CDH1: variants seen among roughly 807,000 people sequenced by gnomAD.
The protein encoded by CDH1 is cadherin-1.
Under a neutral mutation model 84.5 loss-of-function variants are expected in CDH1, and 35 were observed. That is an observed-to-expected ratio of 0.41 (90% confidence interval 0.32 to 0.55). The LOEUF (loss-of-function observed/expected upper bound fraction) is 0.55. Among genes scored for constraint, CDH1 ranks in the 20% least tolerant of loss-of-function variants. The pLI is 0.19. For synonymous variants in CDH1, 417 were observed against 439.0 expected (o/e 0.95, Z 0.63); for missense variants, 994 against 1,126.6 (o/e 0.88, Z 1.68).
intron 2 of CDH1, among the ~76,000 whole-genome samples, chr16:68,796,034 G>A (rs1960349575): frequency 6.6e-6 from 1 of 151,746 alleles, no homozygotes; most frequent in African/African-American, 2.4e-5. Flanking sequence ...GTGGTGGCAG[G>A]CACCTGTAAT....
At chr16:68,740,073 T>G (rs1371381363) in intron 2 of CDH1, among the ~76,000 whole-genome samples, 1 of 152,184 alleles carries the variant, frequency 6.6e-6, no homozygotes, top group African/African-American at 2.4e-5. Flanking sequence ...GGCTAGTTTC[T>G]CTTCTGGTTT....
chr16:68,767,149 C>T (rs981497019), intron 2 of CDH1, among the ~76,000 whole-genome samples: 4 of 151,074 alleles, frequency 2.6e-5, no homozygotes, highest in Admixed American at 1.3e-4. Context: ...TAATAGAACA[C>T]GATGAACCAG....
At chr16:68,743,344 TTTCTTTCTTTCTTTC>T (rs542289081) in intron 2 of CDH1, among the ~76,000 whole-genome samples, 4,375 of 48,652 alleles carry the variant, frequency 0.09, 570 homozygotes, top group Middle Eastern at 0.11. Context: ...TCTTTCTTTC[TTTCTTTCTTTCTTTC>T]TTTCTTTTCT....
rs765495095 is a variant in CDH1, at chr16:68,819,315, A to G, written c.1601A>G (p.Glu534Gly). 11 of 1,614,170 alleles carry G rather than the reference A, an allele frequency of 6.8e-6. No homozygotes were observed. In the South Asian group the frequency reaches 1.1e-4, roughly 16 times the overall value. ...TGGAGAGACACTGCCAACTGGCTGG[A>G]GATTAATCCGGACACTGGTGCCATT... ...RIWRDTANWL[E>G]INPDTGAIST... Residue 534 changes from glutamate (E) to glycine (G), a missense_variant, in exon 11 of 16, where the codon GAG (glutamate) becomes GGG (glycine). Physicochemically the swap from Glu to Gly is moderately conservative, Grantham distance 98. Transcript: ENST00000261769.
chr16:68,765,849 A>G (rs770212029), intron 2 of CDH1, among the ~76,000 whole-genome samples: 6 of 152,048 alleles, frequency 3.9e-5, no homozygotes, highest in East Asian at 3.9e-4. Context: ...ATCTTCTCCT[A>G]TGTGTCAAAT....
At chr16:68,762,682 G>A (rs1036241066) in intron 2 of CDH1, among the ~76,000 whole-genome samples, 1 of 152,134 alleles carries the variant, frequency 6.6e-6, no homozygotes, top group Non-Finnish European at 1.5e-5. Context: ...GCCAAGGCCA[G>A]AGGATCACCT....
intron 2 of CDH1, among the ~76,000 whole-genome samples, chr16:68,743,325 TTC>T (rs1454956717): frequency 8.5e-5 from 2 of 23,626 alleles, no homozygotes; most frequent in African/African-American, 3.1e-4. Flanking sequence ...CTTTCTTTCT[TTC>T]TTTCTTTCTT....
At chr16:68,810,106 G>GC in intron 5 of CDH1, 91 bp from the exon 6 acceptor site, 1 of 1,405,384 alleles carries the variant, frequency 7.1e-7, no homozygotes, top group South Asian at 1.2e-5. Context: ...AGGTGTGGCA[G>GC]CCAGGGGGGC....
rs1555516122 is a variant in CDH1, at chr16:68,815,598, C to T, written c.1404C>T (p.Thr468=). The T allele has an allele frequency of 1.9e-6, 3 of 1,614,226 alleles. No individual in the cohort carries two copies. The highest frequency in any genetic ancestry group is 2.5e-6 in the Non-Finnish European group (3 of 1,180,046). The part of the protein sequence containing the change: ...NVVPFEVSLT[T]STATVTVDVL... The stretch of plus-strand genomic sequence containing the variant: ...TACCTTTTGAGGTCTCTCTCACCAC[C>T]TCCACAGCCACCGTCACCGTGGATG... The change falls in exon 10 of 16, where the codon ACC becomes ACT. Residue 468 remains threonine (T), a synonymous_variant. Transcript: ENST00000261769.
At chr16:68,815,867 A>G in intron 10 of CDH1, 108 bp downstream of exon 10, 1 of 1,293,764 alleles carries the variant, frequency 7.7e-7, no homozygotes, top group South Asian at 1.3e-5. Flanking sequence ...TTGTCTGTAC[A>G]AGACCATTCT....
rs560005664 is a variant in CDH1 at position 68,799,150 on chromosome 16, A to C, written c.164-2520A>C. Among the ~76,000 whole-genome samples the C allele has an allele frequency of 6.8e-4, 104 of 152,338 alleles. 1 individual carries two copies. The highest frequency in any genetic ancestry group is 3.9e-4 in the East Asian group (2 of 5,180). On this transcript the variant is annotated intron_variant, in intron 2 of 15. Transcript: ENST00000261769. The stretch of plus-strand genomic sequence containing the variant: ...TAAGGCCACCCAGCAAGAACATGGC[A>C]GAATCTGGTTTTATAATCCAGTCGC...
Position 68,833,986 on chromosome 16 carries a change from T to C in CDH1, c.*487T>C. 1 of 328,988 alleles carries C rather than the reference T, an allele frequency of 3.0e-6. No homozygotes were observed. Among genetic ancestry groups the C allele is most frequent in the Non-Finnish European group, 5.7e-6 (1 of 175,152 alleles). The allele number at this position is 328,988 out of a possible 1,614,324, so 20.4% of individuals were successfully genotyped here. A position where few individuals can be genotyped will look rare whatever the true frequency, so the allele number is the denominator to read the frequency against. Reference sequence around the variant, plus strand: ...TTTTTTTTTTTTTTAAGACAGGGTCTCATTCTATCGGCCAGGCTGGAGTGC... The same window carrying C: ...TTTTTTTTTTTTTTAAGACAGGGTCCCATTCTATCGGCCAGGCTGGAGTGC... On this transcript the variant is annotated 3_prime_UTR_variant, in exon 16 of 16. Coordinates refer to ENST00000261769, the MANE Select transcript of CDH1 (RefSeq NM_004360.5).
chr16:68,819,727 C>A (rs1308799456), intron 11 of CDH1, among the ~76,000 whole-genome samples: 1 of 152,138 alleles, frequency 6.6e-6, no homozygotes, highest in Admixed American at 6.5e-5. Flanking sequence ...CATTGTCTAT[C>A]ATTCCACAAT....
intron 2 of CDH1, among the ~76,000 whole-genome samples, chr16:68,775,478 A>G (rs775773467): frequency 1.3e-5 from 2 of 152,168 alleles, no homozygotes; most frequent in Non-Finnish European, 2.9e-5. Context: ...ACATGAGAAG[A>G]GAAGGTGGTG....
At chr16:68,740,897 G>T (rs7203337) in intron 2 of CDH1, among the ~76,000 whole-genome samples, 1 of 151,800 alleles carries the variant, frequency 6.6e-6, no homozygotes, top group Non-Finnish European at 1.5e-5. Flanking sequence ...ATCCGCAGTT[G>T]GTCTTTTCTC....
At chr16:68,786,131 C>T (rs960980067) in intron 2 of CDH1, among the ~76,000 whole-genome samples, 4 of 152,112 alleles carry the variant, frequency 2.6e-5, no homozygotes, top group African/African-American at 9.7e-5. Context: ...CACTCTTCTT[C>T]ATGCTCTTTT....
At chr16:68,779,891 CCA>C (rs1206488971) in intron 2 of CDH1, among the ~76,000 whole-genome samples, 3 of 152,044 alleles carry the variant, frequency 2.0e-5, no homozygotes, top group Non-Finnish European at 4.4e-5. Context: ...GCAACTGAGG[CCA>C]CAGTGTCTGG....
intron 2 of CDH1, among the ~76,000 whole-genome samples, chr16:68,751,201 A>G (rs1378099491): frequency 1.3e-5 from 2 of 152,196 alleles, no homozygotes; most frequent in African/African-American, 4.8e-5. Flanking sequence ...CATTTCAAAC[A>G]AAATAAGCGC....
chr16:68,803,345 G>C (rs1960567515), intron 3 of CDH1, among the ~76,000 whole-genome samples: 1 of 152,128 alleles, frequency 6.6e-6, no homozygotes, highest in South Asian at 2.1e-4. Flanking sequence ...AAAAAACTCA[G>C]CACAGTGAGT....
Sources: allele counts gnomAD v4.1 joint callset (sites outside exome capture counted in the v4.1 genomes callset), GRCh38; gene constraint gnomAD v4.1.1; transcripts MANE v1.5; gene names NCBI Gene and HGNC (gene_info 2026-07-23, HGNC 2026-07-21).